The following SEMA3C variants were observed in gnomAD, a reference collection of about 807,000 sequenced individuals.
SEMA3C encodes the protein semaphorin-3C.
A neutral mutation model predicts 89.4 loss-of-function variants in SEMA3C; 47 were observed. That is an observed-to-expected ratio of 0.53 (90% CI 0.42 to 0.67). The LOEUF is 0.67. Among genes scored for constraint, SEMA3C ranks in the 30% least tolerant of loss-of-function variants. The pLI, the probability that SEMA3C is intolerant of heterozygous loss-of-function variation, is 0.00. For synonymous variants in SEMA3C, 310 were observed against 320.2 expected (o/e 0.97, Z 0.34); for missense variants, 839 against 929.1 (o/e 0.90, Z 1.26).
chr7:80,852,364 A>G (rs1790534152), intron 2 of SEMA3C, among the ~76,000 whole-genome samples: 1 of 152,206 alleles, frequency 6.6e-6, no homozygotes, highest in Admixed American at 6.5e-5. Context: ...TGTCTCTTCA[A>G]AAGAAAAGAT....
chr7:80,812,005 A>G (rs117191683), intron 5 of SEMA3C, among the ~76,000 whole-genome samples: 2,125 of 152,314 alleles, frequency 0.014, 62 homozygotes, highest in Admixed American at 0.068. Flanking sequence ...TTCTCTGTAC[A>G]TGCCTCCAAA....
chr7:80,766,556 T>A (rs982185419), intron 12 of SEMA3C, among the ~76,000 whole-genome samples: 1 of 152,226 alleles, frequency 6.6e-6, no homozygotes, highest in Non-Finnish European at 1.5e-5. Flanking sequence ...TGAGACCCTA[T>A]GCTCAGGCCT....
At chr7:80,749,329 T>C (rs1020147007) in intron 16 of SEMA3C, among the ~76,000 whole-genome samples, 5 of 152,184 alleles carry the variant, frequency 3.3e-5, no homozygotes, top group Non-Finnish European at 7.4e-5. Flanking sequence ...GTTGACTTAA[T>C]TATTACAATA....
chr7:80,836,610 G>A (rs145820364), intron 2 of SEMA3C, among the ~76,000 whole-genome samples: 68 of 152,198 alleles, frequency 4.5e-4, no homozygotes, highest in African/African-American at 1.2e-3. Flanking sequence ...CCTGTGAGGC[G>A]GAGATTGCAG....
At chr7:80,770,960 G>A (rs772664859) in intron 12 of SEMA3C, among the ~76,000 whole-genome samples, 1 of 152,224 alleles carries the variant, frequency 6.6e-6, no homozygotes, top group Non-Finnish European at 1.5e-5. Context: ...TGTGAAGTAA[G>A]TTCCTGACCA....
At chr7:80,814,981 C>T (rs1789565162) in intron 5 of SEMA3C, among the ~76,000 whole-genome samples, 1 of 152,166 alleles carries the variant, frequency 6.6e-6, no homozygotes, top group Non-Finnish European at 1.5e-5. Flanking sequence ...TAAGTGACAA[C>T]ACAATTCTGT....
chr7:80,775,384 A>G (rs1788523732), intron 12 of SEMA3C, among the ~76,000 whole-genome samples: 1 of 152,130 alleles, frequency 6.6e-6, no homozygotes, highest in Non-Finnish European at 1.5e-5. Context: ...ATTTCTGAAA[A>G]TCTTAGTGAC....
intron 2 of SEMA3C, among the ~76,000 whole-genome samples, chr7:80,861,046 C>T (rs900120474): frequency 5.9e-5 from 9 of 152,098 alleles, no homozygotes; most frequent in African/African-American, 2.2e-4. Flanking sequence ...TCCAGTTGAT[C>T]AAACATGAGA....
intron 2 of SEMA3C, among the ~76,000 whole-genome samples, chr7:80,833,902 G>A (rs551260916): frequency 6.6e-6 from 1 of 152,176 alleles, no homozygotes; most frequent in Non-Finnish European, 1.5e-5. Flanking sequence ...CAGTGAATTG[G>A]CCACGGTTAT....
intron 2 of SEMA3C, among the ~76,000 whole-genome samples, chr7:80,910,677 T>C (rs1792122778): frequency 6.6e-6 from 1 of 150,658 alleles, no homozygotes; most frequent in Non-Finnish European, 1.5e-5. Context: ...TTTTTAACAG[T>C]AATGGAACTA....
chr7:80,826,387 G>A (rs561966988), intron 4 of SEMA3C, among the ~76,000 whole-genome samples: 1 of 152,244 alleles, frequency 6.6e-6, no homozygotes, highest in South Asian at 2.1e-4. Context: ...GAATGTATGT[G>A]TACGTGTTGA....
rs1401765005 is a variant in SEMA3C, at chr7:80,743,945, T to C, written c.*949A>G. The C allele has an allele frequency of 6.6e-6, 1 of 152,054 alleles. No individual in the cohort carries two copies. The highest frequency in any genetic ancestry group is 2.4e-5 in the African/African-American group (1 of 41,446). 9.4% of individuals were successfully genotyped at this position (152,054 alleles called of 1,614,324 possible). ...GAAGTTGAAAACTAGCCATATTTGT[T>C]ATAAATTCCTCTTAAAAAATTAGTA... On this transcript the variant is annotated 3_prime_UTR_variant, in exon 18 of 18. Transcript: ENST00000265361.
chr7:80,846,587 T>A (rs922691184), intron 2 of SEMA3C, among the ~76,000 whole-genome samples: 13 of 152,090 alleles, frequency 8.5e-5, no homozygotes, highest in African/African-American at 2.9e-4. Context: ...CATATCAGCC[T>A]CCCAAAGTGC....
intron 2 of SEMA3C, among the ~76,000 whole-genome samples, chr7:80,907,242 A>G (rs1792036523): frequency 6.6e-6 from 1 of 152,134 alleles, no homozygotes; most frequent in Non-Finnish European, 1.5e-5. Context: ...TGTGCATTAA[A>G]GCTGTCAAAA....
intron 2 of SEMA3C, among the ~76,000 whole-genome samples, chr7:80,837,497 C>G (rs1445930992): frequency 6.6e-6 from 1 of 152,150 alleles, no homozygotes; most frequent in Non-Finnish European, 1.5e-5. Flanking sequence ...GTTAACATGG[C>G]CCTCCAGGCC....
chr7:80,912,462 T>A (rs1173012286), intron 2 of SEMA3C, among the ~76,000 whole-genome samples: 1 of 152,220 alleles, frequency 6.6e-6, no homozygotes. Context: ...AAATTTAGTG[T>A]TACTCTATTC....
chr7:80,811,771 GA>G (rs1325619448), intron 5 of SEMA3C, among the ~76,000 whole-genome samples: 2 of 152,142 alleles, frequency 1.3e-5, no homozygotes, highest in African/African-American at 2.4e-5. Context: ...CTGCATTCAG[GA>G]AAATTGGTTA....
At chr7:80,809,398 A>C (rs928475374) in intron 6 of SEMA3C, among the ~76,000 whole-genome samples, 7 of 152,016 alleles carry the variant, frequency 4.6e-5, no homozygotes, top group African/African-American at 1.7e-4. Flanking sequence ...AGTGCAGACA[A>C]CTCTTTGACA....
intron 2 of SEMA3C, among the ~76,000 whole-genome samples, chr7:80,843,411 CA>C (rs1327354948): frequency 6.6e-6 from 1 of 152,042 alleles, no homozygotes; most frequent in Admixed American, 6.6e-5. Context: ...TTTCCTGGAA[CA>C]AAGTCTGGCT....
Sources: allele counts gnomAD v4.1 joint callset (sites outside exome capture counted in the v4.1 genomes callset), GRCh38; gene constraint gnomAD v4.1.1; transcripts MANE v1.5; gene names NCBI Gene and HGNC (gene_info 2026-07-23, HGNC 2026-07-21).